Variants in ADGB observed in about 807,000 individuals in gnomAD.
ADGB encodes androglobin.
In ADGB, 172 loss-of-function variants were observed where a neutral mutation model predicts 210.5. The observed-to-expected ratio is 0.82, with a 90% CI of 0.72 to 0.93. The LOEUF (loss-of-function observed/expected upper bound fraction) is 0.93, where lower values mean the gene tolerates loss of function less well. Among genes scored for constraint, ADGB ranks in the 40% least tolerant of loss-of-function variants. ADGB has a pLI of 0.00. For missense variants in ADGB, 2,025 were observed against 1,964.8 expected (o/e 1.03, Z -0.58); for synonymous variants, 658 against 662.7 (o/e 0.99, Z 0.11).
intron 9 of ADGB, 58 bp from the exon 10 acceptor site, chr6:146,685,676 A>G: frequency 1.9e-6 from 2 of 1,053,716 alleles, no homozygotes; most frequent in African/African-American, 1.7e-5. Context: ...TGGAGTGAGC[A>G]ACTGACAGAC....
chr6:146,751,344 T>G (rs780937560), intron 26 of ADGB, among the ~76,000 whole-genome samples: 60 of 152,232 alleles, frequency 3.9e-4, no homozygotes, highest in Non-Finnish European at 6.6e-4. Context: ...TATTCCATGG[T>G]GCATATGTAC....
intron 5 of ADGB, among the ~76,000 whole-genome samples, chr6:146,659,168 T>G (rs760315923): frequency 6.6e-6 from 1 of 152,198 alleles, no homozygotes; most frequent in Non-Finnish European, 1.5e-5. Context: ...CCAGACACAC[T>G]CAATTTGATT....
At chr6:146,728,120 A>G (rs920727489) in intron 19 of ADGB, among the ~76,000 whole-genome samples, 2 of 152,156 alleles carry the variant, frequency 1.3e-5, no homozygotes, top group Non-Finnish European at 2.9e-5. Context: ...TTACTTCCTG[A>G]AATTCCTGTC....
intron 2 of ADGB, among the ~76,000 whole-genome samples, chr6:146,636,141 A>G (rs1434959896): frequency 6.6e-6 from 1 of 152,062 alleles, no homozygotes; most frequent in Non-Finnish European, 1.5e-5. Context: ...TTTATTTCTA[A>G]AGACTTCAAA....
intron 33 of ADGB, among the ~76,000 whole-genome samples, chr6:146,790,057 T>C (rs1053233173): frequency 1.3e-5 from 2 of 152,208 alleles, no homozygotes; most frequent in Admixed American, 6.5e-5. Context: ...ATTTCATTTT[T>C]AATTAACAAA....
intron 3 of ADGB, among the ~76,000 whole-genome samples, chr6:146,647,565 C>T (rs987072409): frequency 6.6e-6 from 1 of 151,938 alleles, no homozygotes; most frequent in Admixed American, 6.6e-5. Flanking sequence ...ATTAAAAAAG[C>T]GAAGAGCACA....
chr6:146,707,657 T>C (rs1356685610), intron 13 of ADGB, among the ~76,000 whole-genome samples: 1 of 152,168 alleles, frequency 6.6e-6, no homozygotes. Flanking sequence ...TAGCTATCCC[T>C]GCTCTCTTTT....
intron 7 of ADGB, 57 bp from the exon 8 acceptor site, chr6:146,672,163 G>A: frequency 6.9e-7 from 1 of 1,446,816 alleles, no homozygotes; most frequent in Non-Finnish European, 9.1e-7. Flanking sequence ...TTCTTGCGAA[G>A]TTCAAGGAAA....
chr6:146,723,729 C>A lies in ADGB; in HGVS notation c.2096-457C>A, dbSNP rs182923293. Among the ~76,000 whole-genome samples, 33 of 152,164 alleles carry A rather than the reference C, an allele frequency of 2.2e-4. 1 individual carries two copies. The East Asian group carries it at 6.2e-3, about 28-fold the overall frequency. ...TTCAGCTTGGGTAACAGAGTGAGAACCCGTCTTTAAAAAATAAATAATTTT... is the reference window on the plus strand; with the variant it reads ...TTCAGCTTGGGTAACAGAGTGAGAAACCGTCTTTAAAAAATAAATAATTTT... On this transcript the variant is annotated intron_variant, in intron 17 of 35. Coordinates refer to ENST00000397944, the MANE Select transcript of ADGB (RefSeq NM_024694.4).
Position 146,763,914 on chromosome 6 carries a change from T to A in ADGB, c.3564T>A (p.Ile1188=). The change falls in exon 28 of 36, where the codon ATT becomes ATA. Residue 1188 remains isoleucine, a synonymous_variant. Coordinates refer to ENST00000397944, the MANE Select transcript of ADGB (RefSeq NM_024694.4). ...KGLSSQSSKH[I]LSFHSASKKE... ...TCTCCTATTCAGCTAGCAAGCACAT[T>A]CTTTCATTTCACTCTGCATCCAAGA... 1.3e-6 allele frequency: 2 copies of A among 1,550,784 alleles called. No individual in the cohort carries two copies. Among genetic ancestry groups the A allele is most frequent in the Non-Finnish European group, 1.7e-6 (2 of 1,146,606 alleles).
chr6:146,758,669 T>C (rs1396704863), intron 27 of ADGB, among the ~76,000 whole-genome samples: 1 of 152,024 alleles, frequency 6.6e-6, no homozygotes, highest in African/African-American at 2.4e-5. Context: ...ATGATATTTC[T>C]ATTTTACCAT....
At chr6:146,626,391 T>A (rs1171484616) in intron 1 of ADGB, among the ~76,000 whole-genome samples, 2 of 151,934 alleles carry the variant, frequency 1.3e-5, no homozygotes, top group South Asian at 2.1e-4. Context: ...CATATTTCCA[T>A]CTGCTATCAT....
chr6:146,708,945 A>G (rs552648392), intron 13 of ADGB, among the ~76,000 whole-genome samples: 8 of 152,050 alleles, frequency 5.3e-5, no homozygotes, highest in African/African-American at 1.4e-4. Context: ...CCTGTCTTCA[A>G]TTTCACAGTT....
chr6:146,719,350 T>G (rs1231854388), intron 16 of ADGB, among the ~76,000 whole-genome samples: 1 of 152,256 alleles, frequency 6.6e-6, no homozygotes, highest in Non-Finnish European at 1.5e-5. Flanking sequence ...CTTATTCTTA[T>G]GAAGTCATGA....
chr6:146,687,985 A>G (rs1776255362), intron 10 of ADGB, among the ~76,000 whole-genome samples: 1 of 152,158 alleles, frequency 6.6e-6, no homozygotes, highest in Non-Finnish European at 1.5e-5. Context: ...AAGTTAAAAA[A>G]CTAAGACTAA....
chr6:146,662,806 C>T (rs188753746), intron 5 of ADGB, among the ~76,000 whole-genome samples: 4 of 151,488 alleles, frequency 2.6e-5, no homozygotes, highest in South Asian at 2.1e-4. Context: ...TCACATTTAT[C>T]GGCTGTGTCT....
Position 146,711,438 on chromosome 6 carries a change from C to G in ADGB, c.1708-3944C>G, listed in dbSNP as rs568141609. On this transcript the variant is annotated intron_variant, in intron 13 of 35. Transcript: ENST00000397944. ...AACTGAGAGAACTTTGCTCCTGGTACCTTTAGACTTCCTTTTGTCTCTCTC... is the reference window on the plus strand; with the variant it reads ...AACTGAGAGAACTTTGCTCCTGGTAGCTTTAGACTTCCTTTTGTCTCTCTC... 2.0e-5 allele frequency among the ~76,000 whole-genome samples: 3 copies of G among 151,926 alleles called. No individual in the cohort carries two copies. The South Asian group carries it at 6.2e-4, about 32-fold the overall frequency.
chr6:146,687,213 C>T (rs1030640216), intron 10 of ADGB, among the ~76,000 whole-genome samples: 3 of 152,092 alleles, frequency 2.0e-5, no homozygotes, highest in African/African-American at 4.8e-5. Context: ...AAACCAGCAA[C>T]ATTCAACAAT....
chr6:146,753,208 C>T (rs901440138), intron 27 of ADGB, among the ~76,000 whole-genome samples: 7 of 151,878 alleles, frequency 4.6e-5, no homozygotes, highest in Non-Finnish European at 8.8e-5. Context: ...CACACATTAC[C>T]AATGTAGCAT....
Sources: gnomAD v4.1 joint callset for allele counts (sites outside exome capture counted in the v4.1 genomes callset) on GRCh38, gnomAD v4.1.1 for gene constraint, MANE v1.5 for transcripts, NCBI Gene and HGNC (gene_info 2026-07-23, HGNC 2026-07-21) for gene names.